Variants in NCKAP5 observed in about 807,000 individuals in gnomAD.
NCKAP5 encodes nck-associated protein 5.
In NCKAP5, 92 loss-of-function variants were observed where a neutral mutation model predicts 167.0. That is an observed-to-expected ratio of 0.55 (90% CI 0.47 to 0.66). NCKAP5 has a LOEUF of 0.66. Ranked by LOEUF, NCKAP5 falls within the 30% of genes least tolerant of loss-of-function variation. The pLI is 0.00. For synonymous variants in NCKAP5, 891 were observed against 877.4 expected, an observed-to-expected ratio of 1.02 and a Z score of -0.27; for missense variants, 2,378 against 2,315.0, an observed-to-expected ratio of 1.03 and a Z score of -0.56.
At chr2:132,860,714 A>G in intron 10 of NCKAP5, 103 bp from the exon 11 acceptor site, 1 of 1,338,120 alleles carries the variant, frequency 7.5e-7, no homozygotes, top group African/African-American at 1.5e-5. Context: ...AAAAAACGGT[A>G]TTTTTATTCT....
At chr2:133,641,536 A>T in the NCKAP5 span, among the ~76,000 whole-genome samples, 1 of 152,184 alleles carries the variant, frequency 6.6e-6, no homozygotes, top group Non-Finnish European at 1.5e-5. Flanking sequence ...GGCACCAACT[A>T]TCCTGTCCAT....
At chr2:133,104,552 C>T (rs1220461472) in intron 6 of NCKAP5, among the ~76,000 whole-genome samples, 2 of 152,174 alleles carry the variant, frequency 1.3e-5, no homozygotes, top group African/African-American at 4.8e-5. Context: ...GTGTGAATTG[C>T]CATGTTTTTC....
the NCKAP5 span, among the ~76,000 whole-genome samples, chr2:133,601,414 A>C: frequency 6.6e-5 from 10 of 152,312 alleles, no homozygotes; most frequent in African/African-American, 2.4e-4. Context: ...CATTTGGAAT[A>C]CACTGGTAAC....
chr2:133,206,617 A>G (rs2085964444), intron 5 of NCKAP5, among the ~76,000 whole-genome samples: 1 of 152,212 alleles, frequency 6.6e-6, no homozygotes, highest in Admixed American at 6.5e-5. Flanking sequence ...TGATTGTAAA[A>G]TATGTGTTTG....
At chr2:133,365,607 T>C (rs72989628) in intron 3 of NCKAP5, among the ~76,000 whole-genome samples, 6,835 of 152,080 alleles carry the variant, frequency 0.045, 487 homozygotes, top group African/African-American at 0.15. Context: ...CCCATGAAAA[T>C]AAGGGTTGTT....
At chr2:132,889,543 A>G (rs962183029) in intron 8 of NCKAP5, among the ~76,000 whole-genome samples, 3 of 152,202 alleles carry the variant, frequency 2.0e-5, no homozygotes, top group Admixed American at 6.5e-5. Context: ...TAGGATCAGA[A>G]CAAAAAAAAA....
the NCKAP5 span, among the ~76,000 whole-genome samples, chr2:133,644,890 T>G: frequency 1.3e-5 from 2 of 152,176 alleles, no homozygotes; most frequent in Non-Finnish European, 2.9e-5. Context: ...ATGTAACAAA[T>G]ATGTTTCACT....
intron 6 of NCKAP5, among the ~76,000 whole-genome samples, chr2:133,021,670 C>T (rs2078533076): frequency 6.6e-6 from 1 of 152,140 alleles, no homozygotes; most frequent in South Asian, 2.1e-4. Context: ...CTTGCTCTGT[C>T]GCCCAGGCGG....
At chr2:133,165,846 C>A (rs528840759) in intron 5 of NCKAP5, among the ~76,000 whole-genome samples, 2 of 152,326 alleles carry the variant, frequency 1.3e-5, no homozygotes, top group East Asian at 3.9e-4. Flanking sequence ...TCACTATAAT[C>A]AACTAAGTTG....
chr2:132,674,373 G>GC (rs1178890189), intron 19 of NCKAP5, among the ~76,000 whole-genome samples: 1 of 152,172 alleles, frequency 6.6e-6, no homozygotes, highest in Admixed American at 6.5e-5. Flanking sequence ...GCCCAAGGTT[G>GC]CCCAGCAAGT....
intron 3 of NCKAP5, among the ~76,000 whole-genome samples, chr2:133,320,879 G>A (rs907544294): frequency 6.6e-6 from 1 of 152,146 alleles, no homozygotes; most frequent in Non-Finnish European, 1.5e-5. Flanking sequence ...CAGGTGAGTT[G>A]GTCACTCTAC....
intron 2 of NCKAP5, among the ~76,000 whole-genome samples, chr2:133,527,856 G>A (rs930696079): frequency 2.6e-5 from 4 of 152,112 alleles, no homozygotes; most frequent in Non-Finnish European, 5.9e-5. Flanking sequence ...CTTGAGCTCA[G>A]AAGTTCAAGA....
rs80110233 is a variant in NCKAP5 at position 132,869,254 on chromosome 2, T to C, written c.649-280A>G. ...CATTTCCATATTTGGAAAAATGATA[T>C]CCTTTCATATACTCCAAGAAGGCTA... is the stretch of plus-strand genomic sequence containing the variant. On this transcript the variant is annotated intron_variant, in intron 9 of 19. Coordinates refer to ENST00000409261, the MANE Select transcript of NCKAP5 (RefSeq NM_207363.3). Among the ~76,000 whole-genome samples, 1,442 of 152,308 alleles carry C rather than the reference T, an allele frequency of 9.5e-3. 21 individuals carry two copies. Among genetic ancestry groups the C allele is most frequent in the African/African-American group, 0.033 (1,380 of 41,580 alleles).
chr2:133,231,686 C>CA lies in NCKAP5; in HGVS notation c.144-17908dup, dbSNP rs924823894. Among the ~76,000 whole-genome samples, 17 of 147,924 alleles carry CA rather than the reference C, an allele frequency of 1.1e-4. No individual in the cohort carries two copies. In the East Asian group the frequency reaches 1.2e-3, roughly 10 times the overall value. On this transcript the variant is annotated intron_variant, in intron 4 of 19. Coordinates refer to ENST00000409261, the MANE Select transcript of NCKAP5 (RefSeq NM_207363.3). ...GAAACAGGCAACAGACAGGGTCCAT[C>CA]AAAAAAAAAATACTAACGGTACCTA...
At chr2:133,034,089 C>T (rs973547297) in intron 6 of NCKAP5, among the ~76,000 whole-genome samples, 1 of 151,784 alleles carries the variant, frequency 6.6e-6, no homozygotes, top group South Asian at 2.1e-4. Context: ...CTCTCTAAGG[C>T]CAAGGATAAA....
chr2:133,238,719 T>C (rs1187760944), intron 4 of NCKAP5, among the ~76,000 whole-genome samples: 1 of 152,230 alleles, frequency 6.6e-6, no homozygotes, highest in African/African-American at 2.4e-5. Context: ...TATCTCACTC[T>C]TCTCTAGACA....
intron 2 of NCKAP5, chr2:133,556,983 C>T (rs996006363): frequency 6.6e-6 from 1 of 152,188 alleles, no homozygotes; most frequent in Non-Finnish European, 1.5e-5. Context: ...AGAAAGAAGT[C>T]TTCTTATTCC....
intron 9 of NCKAP5, among the ~76,000 whole-genome samples, chr2:132,877,405 C>T (rs1185058698): frequency 1.3e-5 from 2 of 152,122 alleles, no homozygotes; most frequent in Non-Finnish European, 2.9e-5. Context: ...ATATAAGTAA[C>T]CAATACAAAG....
chr2:133,402,000 T>C (rs1574886867), intron 3 of NCKAP5, among the ~76,000 whole-genome samples: 1 of 152,294 alleles, frequency 6.6e-6, no homozygotes, highest in Non-Finnish European at 1.5e-5. Context: ...GATGAGACCA[T>C]AAAATCTCTT....
Sources: allele counts gnomAD v4.1 joint callset (sites outside exome capture counted in the v4.1 genomes callset), GRCh38; gene constraint gnomAD v4.1.1; transcripts MANE v1.5; gene names NCBI Gene and HGNC (gene_info 2026-07-23, HGNC 2026-07-21).